ATG9A: variants seen among roughly 807,000 people sequenced by gnomAD.
The protein encoded by ATG9A is autophagy-related protein 9A.
ATG9A carries 21 observed loss-of-function variants against 87.1 expected under a neutral mutation model. The ratio of observed to expected loss-of-function variants is 0.24; its 90% CI spans 0.17 to 0.35. The LOEUF (loss-of-function observed/expected upper bound fraction) is 0.35. Ranked by LOEUF, ATG9A falls within the 10% of genes least tolerant of loss-of-function variation. The pLI is 1.00. For synonymous variants in ATG9A, 422 were observed against 441.3 expected (o/e 0.96, Z 0.55); for missense variants, 836 against 1,107.3 (o/e 0.76, Z 3.48).
At chr2:219,225,716 C>T in intron 5 of ATG9A, 144 bp from the exon 6 acceptor site, 1 of 863,212 alleles carries the variant, frequency 1.2e-6, no homozygotes, top group Non-Finnish European at 1.7e-6. Flanking sequence ...CTCTCTGCTC[C>T]TCAGCCCCAC....
chr2:219,223,087 CT>C lies in ATG9A; in HGVS notation c.1600-195del, dbSNP rs34309756. On this transcript the variant is annotated intron_variant, in intron 10 of 15. Coordinates refer to ENST00000361242, the MANE Select transcript of ATG9A (RefSeq NM_001077198.3). This position sits in a 1 kb window ranked among gnomAD's most constrained non-coding sequence, Gnocchi z 4.7. ...GCTGAGCCAGTTACTTGTGTTGTGC[CT>C]TTTTTTTTTTTTTTTTTGAGATGGA... is the stretch of plus-strand genomic sequence containing the variant. 0.04 allele frequency among the ~76,000 whole-genome samples: 5,396 copies of C among 134,800 alleles called. 184 individuals carry two copies. The highest frequency in any genetic ancestry group is 0.1 in the East Asian group (493 of 4,720). The allele number at this position is 134,800 out of a possible 152,430, so 88.4% of individuals were successfully genotyped here. A position where few individuals can be genotyped will look rare whatever the true frequency, so the allele number is the denominator to read the frequency against.
Position 219,222,922 on chromosome 2 carries a change from G to C in ATG9A, c.1600-29C>G, listed in dbSNP as rs771986208. 1 of 1,611,558 alleles carries C rather than the reference G, an allele frequency of 6.2e-7. No individual in the cohort carries two copies. The highest frequency in any genetic ancestry group is 2.2e-5 in the East Asian group (1 of 44,842). On this transcript the variant is annotated intron_variant, in intron 10 of 15. Coordinates refer to ENST00000361242, the MANE Select transcript of ATG9A (RefSeq NM_001077198.3). The surrounding 1 kb of genome is among the most constrained non-coding windows in gnomAD (Gnocchi z 4.3). ...CACAAGGAAGAGCAGAGTAAGCAGG[G>C]CTGTTCTCTTCCAGGAGCCTTCCTG...
In ATG9A at chr2:219,219,680, G is replaced by A. The variant is rs952369469; in HGVS notation, c.*767C>T. ...GGTCTGTCCCATGTGCAGGTGATGG[G>A]GGGTACGATAAGCAGCAATGAGGGC... On this transcript the variant is annotated 3_prime_UTR_variant, in exon 16 of 16. Coordinates refer to ENST00000361242, the MANE Select transcript of ATG9A (RefSeq NM_001077198.3). 1 of 152,512 alleles carries A rather than the reference G, an allele frequency of 6.6e-6. No homozygotes were observed. The highest frequency in any genetic ancestry group is 2.4e-5 in the African/African-American group (1 of 41,476). The allele number at this position is 152,512 out of a possible 1,614,324, so 9.4% of individuals were successfully genotyped here. A position where few individuals can be genotyped will look rare whatever the true frequency, so the allele number is the denominator to read the frequency against.
At chr2:219,225,293 T>C in intron 6 of ATG9A, 81 bp from the exon 7 acceptor site, 1 of 1,604,482 alleles carries the variant, frequency 6.2e-7, no homozygotes, top group Non-Finnish European at 8.5e-7. Flanking sequence ...TGAAGTATTT[T>C]TGCTAGACCA....
intron 2 of ATG9A, among the ~76,000 whole-genome samples, 171 bp downstream of exon 2, chr2:219,228,263 C>T (rs1160094561): frequency 6.6e-6 from 1 of 152,224 alleles, no homozygotes; most frequent in Non-Finnish European, 1.5e-5. Flanking sequence ...TCTACTGCTG[C>T]TTTCCTGGCC....
In ATG9A at chr2:219,229,471, C is replaced by T. The variant is rs1383731923; in HGVS notation, c.-82+64G>A. ...CGCCGCGAGCTCACTTAGGGCTCCG[C>T]AGGCACCCCTGGGCAAGGCCAGACA... On this transcript the variant is annotated intron_variant, in intron 1 of 15. Coordinates refer to ENST00000361242, the MANE Select transcript of ATG9A (RefSeq NM_001077198.3). This position sits in a 1 kb window ranked among gnomAD's most constrained non-coding sequence, Gnocchi z 4.2. The T allele has an allele frequency of 1.3e-5, 2 of 152,526 alleles. No homozygotes were observed. The highest frequency in any genetic ancestry group is 4.8e-5 in the African/African-American group (2 of 41,428). The allele number at this position is 152,526 out of a possible 1,614,324, so 9.4% of individuals were successfully genotyped here.
Position 219,229,397 on chromosome 2 carries a change from T to G in ATG9A, c.-82+138A>C, listed in dbSNP as rs920221160. The G allele has an allele frequency of 1.3e-5, 2 of 151,206 alleles. No individual in the cohort carries two copies. The highest frequency in any genetic ancestry group is 1.5e-5 in the Non-Finnish European group (1 of 67,658). 9.4% of individuals were successfully genotyped at this position (151,206 alleles called of 1,614,324 possible). The stretch of plus-strand genomic sequence containing the variant: ...CTGCGCGCGCCAGCAATCAAAACAT[T>G]CCGGCTGCGCGCCCCCGCCCCGCCG... On this transcript the variant is annotated intron_variant, in intron 1 of 15. Transcript: ENST00000361242. The surrounding 1 kb of genome is among the most constrained non-coding windows in gnomAD (Gnocchi z 4.2).
rs779713032 is a variant in ATG9A at position 219,224,249 on chromosome 2, T to G, written c.1122A>C (p.Thr374=). The G allele has an allele frequency of 1.7e-5, 27 of 1,613,908 alleles. No homozygotes were observed. Among genetic ancestry groups the G allele is most frequent in the Non-Finnish European group, 2.3e-5 (27 of 1,180,044 alleles). The change falls in exon 8 of 16, where the codon ACA becomes ACC. Residue 374 remains threonine, a synonymous_variant. Coordinates refer to ENST00000361242, the MANE Select transcript of ATG9A (RefSeq NM_001077198.3). This position sits in a 1 kb window ranked among gnomAD's most constrained non-coding sequence, Gnocchi z 7.7. The part of the protein sequence containing the change: ...YMNCFLSPLL[T]LLAKNGAFFA... Reference sequence around the variant, plus strand: ...AGAAGGCTCCATTCTTGGCCAGCAGTGTCAAAAGAGGTGACAAGAAGCAAT... The same window carrying G: ...AGAAGGCTCCATTCTTGGCCAGCAGGGTCAAAAGAGGTGACAAGAAGCAAT...
In ATG9A at chr2:219,223,533, CTG is replaced by C. The variant is rs1200774880; in HGVS notation, c.1599+50_1599+51del. ...TCTTTTTGCGGTTTTCCCAAAGACA[CTG>C]TATGTTCCAGCATCATCCCAGGCCA... On this transcript the variant is annotated intron_variant, in intron 10 of 15. Transcript: ENST00000361242. The surrounding 1 kb of genome is among the most constrained non-coding windows in gnomAD (Gnocchi z 4.7). 1.3e-6 allele frequency: 2 copies of C among 1,535,260 alleles called. No homozygotes were observed. Among genetic ancestry groups the C allele is most frequent in the Non-Finnish European group, 1.8e-6 (2 of 1,141,014 alleles).
rs1207568594 is a variant in ATG9A at position 219,226,953 on chromosome 2, G to C, written c.148-20C>G. The C allele has an allele frequency of 6.2e-7, 1 of 1,602,490 alleles. No individual in the cohort carries two copies. Among genetic ancestry groups the C allele is most frequent in the Non-Finnish European group, 8.6e-7 (1 of 1,169,486 alleles). ...ATAAACGTGTAATTGTTAAGAAAAA[G>C]TAGTCAGTAAAGAAAGCAGGTAAGA... On this transcript the variant is annotated intron_variant, in intron 4 of 15. Transcript: ENST00000361242.
rs2106442027 is a variant in ATG9A at position 219,224,954 on chromosome 2, T to G, written c.517-100A>C. 1 of 1,577,202 alleles carries G rather than the reference T, an allele frequency of 6.3e-7. No homozygotes were observed. The highest frequency in any genetic ancestry group is 1.7e-5 in the Admixed American group (1 of 59,062). On this transcript the variant is annotated intron_variant, in intron 7 of 15. Coordinates refer to ENST00000361242, the MANE Select transcript of ATG9A (RefSeq NM_001077198.3). The surrounding 1 kb of genome is among the most constrained non-coding windows in gnomAD (Gnocchi z 7.7). ...AAGTGAGATTCAGGGGTTGTGAGCTTAAGAGACAGTTCCTGATTTGTCAAT... is the reference window on the plus strand; with the variant it reads ...AAGTGAGATTCAGGGGTTGTGAGCTGAAGAGACAGTTCCTGATTTGTCAAT...
At position 219,222,932 on chromosome 2, in the gene ATG9A, TC is replaced by T. The variant is rs778184240; in HGVS notation, c.1600-40del. The stretch of plus-strand genomic sequence containing the variant: ...AGCAGAGTAAGCAGGGCTGTTCTCT[TC>T]CAGGAGCCTTCCTGCACCTTTCCTG... On this transcript the variant is annotated intron_variant, in intron 10 of 15. Transcript: ENST00000361242. This position sits in a 1 kb window ranked among gnomAD's most constrained non-coding sequence, Gnocchi z 4.3. 1.2e-6 allele frequency: 2 copies of T among 1,608,962 alleles called. No individual in the cohort carries two copies. The highest frequency in any genetic ancestry group is 4.5e-5 in the East Asian group (2 of 44,786).
rs760660779 is a variant in ATG9A at position 219,222,024 on chromosome 2, ACT to A, written c.2145+24_2145+25del. 4.9e-5 allele frequency: 79 copies of A among 1,599,622 alleles called. No individual in the cohort carries two copies. The highest frequency in any genetic ancestry group is 6.6e-5 in the Non-Finnish European group (77 of 1,169,980). On this transcript the variant is annotated intron_variant, in intron 13 of 15. Transcript: ENST00000361242. This position sits in a 1 kb window ranked among gnomAD's most constrained non-coding sequence, Gnocchi z 4.3. ...TTGCTTCTCCGCATCTAAACCCTCTACTCTCTTTTTTAGCTGTGCACTCACCT... is the reference window on the plus strand; with the variant it reads ...TTGCTTCTCCGCATCTAAACCCTCTACTCTTTTTTAGCTGTGCACTCACCT...
rs567495476 is a variant in ATG9A, at chr2:219,225,284, G to T, written c.375-72C>A. ...GTCTTGGCAGAGACGCTGCTATCCT[G>T]AAGTATTTTTGCTAGACCAAGCCTG... On this transcript the variant is annotated intron_variant, in intron 6 of 15. Transcript: ENST00000361242. The T allele has an allele frequency of 9.3e-6, 15 of 1,607,338 alleles. No individual in the cohort carries two copies. The South Asian group carries it at 1.1e-4, about 12-fold the overall frequency.
chr2:219,225,357 C>T, intron 6 of ATG9A, 54 bp downstream of exon 6: 2 of 1,602,156 alleles, frequency 1.2e-6, no homozygotes, highest in South Asian at 1.1e-5. Flanking sequence ...ACTCTATTAC[C>T]CACCTGCTAG....
At position 219,220,188 on chromosome 2, in the gene ATG9A, C is replaced by A; in HGVS notation, c.*259G>T. 1.9e-6 allele frequency: 1 copy of A among 512,916 alleles called. No homozygotes were observed. The highest frequency in any genetic ancestry group is 3.5e-6 in the Non-Finnish European group (1 of 285,382). The allele number at this position is 512,916 out of a possible 1,614,324, so 31.8% of individuals were successfully genotyped here. ...CTGGGGCTGGGCTGGGGGCCAGTTT[C>A]TAGCACCACACTCTGAGCCAAGGGG... On this transcript the variant is annotated 3_prime_UTR_variant, in exon 16 of 16. Transcript: ENST00000361242.
chr2:219,225,289 A>G (rs1261382115), intron 6 of ATG9A, 77 bp from the exon 7 acceptor site: 10 of 1,605,638 alleles, frequency 6.2e-6, no homozygotes, highest in Admixed American at 1.7e-5. Context: ...ATCCTGAAGT[A>G]TTTTTGCTAG....
Position 219,220,268 on chromosome 2 carries a change from C to T in ATG9A, c.*179G>A, listed in dbSNP as rs1349406102. 5 of 753,854 alleles carry T rather than the reference C, an allele frequency of 6.6e-6. No individual in the cohort carries two copies. The East Asian group carries it at 1.3e-4, about 20-fold the overall frequency. The allele number at this position is 753,854 out of a possible 1,614,324, so 46.7% of individuals were successfully genotyped here. On this transcript the variant is annotated 3_prime_UTR_variant, in exon 16 of 16. Coordinates refer to ENST00000361242, the MANE Select transcript of ATG9A (RefSeq NM_001077198.3). ...GCCCTCGGTTCCTAGGCCCCAAATT[C>T]CTCTCCTGGGGCTGTGGCAAGCCCA...
At position 219,223,377 on chromosome 2, in the gene ATG9A, C is replaced by T. The variant is rs1466747816; in HGVS notation, c.1599+208G>A. Among the ~76,000 whole-genome samples the T allele has an allele frequency of 6.6e-6, 1 of 152,074 alleles. No individual in the cohort carries two copies. Among genetic ancestry groups the T allele is most frequent in the Non-Finnish European group, 1.5e-5 (1 of 68,012 alleles). Reference sequence around the variant, plus strand: ...TGCTGGGATTACAGACGTGAGCCACCGCGCCTGGCCGTGTTGTGCCTTTCT... The same window carrying T: ...TGCTGGGATTACAGACGTGAGCCACTGCGCCTGGCCGTGTTGTGCCTTTCT... On this transcript the variant is annotated intron_variant, in intron 10 of 15. Coordinates refer to ENST00000361242, the MANE Select transcript of ATG9A (RefSeq NM_001077198.3). The surrounding 1 kb of genome is among the most constrained non-coding windows in gnomAD (Gnocchi z 4.7).
Sources: allele counts gnomAD v4.1 joint callset (sites outside exome capture counted in the v4.1 genomes callset), GRCh38; gene constraint gnomAD v4.1.1; non-coding constraint Gnocchi (gnomAD v3.1); transcripts MANE v1.5; gene names NCBI Gene and HGNC (gene_info 2026-07-23, HGNC 2026-07-21).